Variants in RBFOX1 observed in about 807,000 individuals in gnomAD.
RBFOX1 encodes the protein RNA binding fox-1 homolog 1.
A neutral mutation model predicts 57.7 loss-of-function variants in RBFOX1; 8 were observed. The observed-to-expected ratio is 0.14, with a 90% CI of 0.08 to 0.25. The LOEUF is 0.25. Ranked by LOEUF, RBFOX1 falls within the 10% of genes least tolerant of loss-of-function variation. The probability of loss-of-function intolerance (pLI) is 1.00; values close to 1 mark genes in which losing one functional copy is unlikely to be tolerated. For missense variants in RBFOX1, 611 were observed against 548.5 expected, an observed-to-expected ratio of 1.11 and a Z score of -1.14; for synonymous variants, 326 against 222.4, an observed-to-expected ratio of 1.47 and a Z score of -4.15.
At chr16:7,013,490 A>G (rs2093751966) in intron 3 of RBFOX1, among the ~76,000 whole-genome samples, 1 of 152,202 alleles carries the variant, frequency 6.6e-6, no homozygotes, top group Non-Finnish European at 1.5e-5. Flanking sequence ...GCATGCCTCT[A>G]AATATCCTGC....
intron 2 of RBFOX1, among the ~76,000 whole-genome samples, chr16:5,522,322 A>G (rs372836747): frequency 1.5e-3 from 235 of 152,352 alleles, no homozygotes; most frequent in African/African-American, 5.4e-3. Context: ...TGGTGTTGTG[A>G]TGTGCGTAAA....
intron 1 of RBFOX1, among the ~76,000 whole-genome samples, chr16:5,438,946 G>T (rs2067999490): frequency 6.6e-6 from 1 of 151,172 alleles, no homozygotes; most frequent in Admixed American, 6.6e-5. Context: ...TGGATGGGGA[G>T]GTGGTAAGGA....
chr16:6,240,846 G>A (rs894438970), intron 1 of RBFOX1, among the ~76,000 whole-genome samples: 6 of 152,068 alleles, frequency 3.9e-5, no homozygotes, highest in African/African-American at 4.8e-5. Context: ...ATATGCACAC[G>A]TTATGCAGTT....
intron 4 of RBFOX1, among the ~76,000 whole-genome samples, chr16:7,309,597 T>C (rs903361111): frequency 6.6e-6 from 1 of 152,204 alleles, no homozygotes; most frequent in Non-Finnish European, 1.5e-5. Context: ...AATTCTCCAG[T>C]AGCTGATGGA....
intron 3 of RBFOX1, among the ~76,000 whole-genome samples, chr16:5,724,943 G>C (rs1024244035): frequency 6.6e-6 from 1 of 152,184 alleles, no homozygotes; most frequent in Admixed American, 6.5e-5. Context: ...AACAGTCTGC[G>C]ACTGGGGAAG....
intron 2 of RBFOX1, among the ~76,000 whole-genome samples, chr16:6,554,393 G>C (rs1208126483): frequency 6.6e-6 from 1 of 152,090 alleles, no homozygotes; most frequent in African/African-American, 2.4e-5. Context: ...ATGGAGCGTG[G>C]ACTGCAAATG....
chr16:7,152,644 A>G (rs866558262), intron 4 of RBFOX1, among the ~76,000 whole-genome samples: 2 of 152,290 alleles, frequency 1.3e-5, no homozygotes, highest in South Asian at 2.1e-4. Flanking sequence ...TGAGTCTGGT[A>G]TGCGCAGATG....
chr16:5,274,993 GGGTAAATTA>G (rs2063107863), intron 1 of RBFOX1, among the ~76,000 whole-genome samples: 1 of 152,346 alleles, frequency 6.6e-6, no homozygotes, highest in Admixed American at 6.5e-5. Context: ...TGCGAAGCTT[GGGTAAATTA>G]GTAGCTTGAG....
At chr16:6,515,686 T>G (rs1281801734) in intron 2 of RBFOX1, among the ~76,000 whole-genome samples, 2 of 152,144 alleles carry the variant, frequency 1.3e-5, no homozygotes, top group Non-Finnish European at 2.9e-5. Context: ...TCTTATTCCA[T>G]TTCTCAAAAC....
chr16:6,418,563 AC>A (rs2152985114), intron 2 of RBFOX1, among the ~76,000 whole-genome samples: 1 of 130,190 alleles, frequency 7.7e-6, no homozygotes, highest in South Asian at 2.4e-4. Context: ...TGGCTCAGTC[AC>A]CCAGGCTGGA....
intron 3 of RBFOX1, among the ~76,000 whole-genome samples, chr16:5,796,427 G>T (rs894527426): frequency 1.3e-5 from 2 of 152,198 alleles, no homozygotes; most frequent in Non-Finnish European, 2.9e-5. Context: ...GATATGATCA[G>T]TGGCCTCAAA....
intron 2 of RBFOX1, among the ~76,000 whole-genome samples, chr16:6,379,777 A>C (rs2091602522): frequency 6.6e-6 from 1 of 152,090 alleles, no homozygotes; most frequent in Non-Finnish European, 1.5e-5. Flanking sequence ...TTGATGAGAA[A>C]CTAGAGACAG....
chr16:5,390,373 G>T (rs693674), intron 1 of RBFOX1, among the ~76,000 whole-genome samples: 1 of 150,262 alleles, frequency 6.7e-6, no homozygotes, highest in Admixed American at 6.6e-5. Context: ...ACTGCAACCT[G>T]TGCCTCCTGG....
chr16:6,269,339 A>G (rs1299667921), intron 1 of RBFOX1, among the ~76,000 whole-genome samples: 1 of 152,314 alleles, frequency 6.6e-6, no homozygotes, highest in East Asian at 1.9e-4. Flanking sequence ...ATCTGTGGAT[A>G]TAGAACCCAT....
At chr16:6,965,798 C>A (rs914940508) in intron 3 of RBFOX1, among the ~76,000 whole-genome samples, 3 of 152,162 alleles carry the variant, frequency 2.0e-5, no homozygotes, top group Non-Finnish European at 4.4e-5. Flanking sequence ...AGGTCCTGTT[C>A]ATTAGTCAGT....
chr16:5,833,821 A>G (rs944330972), intron 3 of RBFOX1, among the ~76,000 whole-genome samples: 3 of 152,152 alleles, frequency 2.0e-5, no homozygotes, highest in Non-Finnish European at 4.4e-5. Context: ...CCAAATTATT[A>G]TAATTTTGGA....
intron 2 of RBFOX1, among the ~76,000 whole-genome samples, chr16:6,401,417 A>C (rs2093063180): frequency 6.6e-6 from 1 of 152,248 alleles, no homozygotes; most frequent in South Asian, 2.1e-4. Context: ...ACACCTGTGA[A>C]AATGAGTTAG....
intron 1 of RBFOX1, among the ~76,000 whole-genome samples, chr16:6,184,219 G>A (rs944538440): frequency 1.3e-5 from 2 of 152,148 alleles, no homozygotes; most frequent in African/African-American, 4.8e-5. Flanking sequence ...GGAATTATGG[G>A]AACTACAGTT....
chr16:7,003,929 A>G (rs776947400), intron 3 of RBFOX1: 32 of 150,456 alleles, frequency 2.1e-4, no homozygotes, highest in Non-Finnish European at 3.8e-4. Flanking sequence ...AGAACTGTCA[A>G]TAAATTTATC....
Sources: gnomAD v4.1 joint callset for allele counts (sites outside exome capture counted in the v4.1 genomes callset) on GRCh38, gnomAD v4.1.1 for gene constraint, MANE v1.5 for transcripts, NCBI Gene and HGNC (gene_info 2026-07-23, HGNC 2026-07-21) for gene names.